The following LIMCH1 variants were observed in gnomAD, a reference collection of about 807,000 sequenced individuals.
LIMCH1 encodes LIM and calponin homology domains 1, also known as LIM and calponin homology domains-containing protein 1.
Under a neutral mutation model 176.5 loss-of-function variants are expected in LIMCH1, and 113 were observed. That is an observed-to-expected ratio of 0.64 (90% CI 0.55 to 0.75). The LOEUF is 0.75. Ranked by LOEUF, LIMCH1 falls within the 30% of genes least tolerant of loss-of-function variation. LIMCH1 has a pLI of 0.00. For synonymous variants in LIMCH1, 619 were observed against 645.9 expected (o/e 0.96, Z 0.63); for missense variants, 1,674 against 1,814.9 (o/e 0.92, Z 1.41).
intron 1 of LIMCH1, among the ~76,000 whole-genome samples, chr4:41,584,572 C>T (rs537905858): frequency 6.6e-6 from 1 of 152,164 alleles, no homozygotes; most frequent in African/African-American, 2.4e-5. Flanking sequence ...ACATTATGAA[C>T]TCTCAAGTGG....
chr4:41,681,760 T>C, intron 25 of LIMCH1, among the ~76,000 whole-genome samples: 1 of 152,314 alleles, frequency 6.6e-6, no homozygotes, highest in South Asian at 2.1e-4. Flanking sequence ...GGCACATGTT[T>C]ATCTGTGTAA....
At chr4:41,551,912 T>C (rs762824364) in intron 1 of LIMCH1, among the ~76,000 whole-genome samples, 1 of 152,138 alleles carries the variant, frequency 6.6e-6, no homozygotes, top group Non-Finnish European at 1.5e-5. Flanking sequence ...GTGCTTTCTA[T>C]GTGTATTAGT....
At chr4:41,647,261 A>G (rs1186366128) in intron 17 of LIMCH1, among the ~76,000 whole-genome samples, 1 of 152,232 alleles carries the variant, frequency 6.6e-6, no homozygotes, top group African/African-American at 2.4e-5. Flanking sequence ...AGACTCCTCA[A>G]AACAAAATTT....
chr4:41,496,147 C>A (rs2072079052), intron 2 of LIMCH1, among the ~76,000 whole-genome samples: 2 of 152,200 alleles, frequency 1.3e-5, no homozygotes, highest in Admixed American at 6.5e-5. Context: ...CTAATTCATG[C>A]AGACCATGTT....
chr4:41,633,062 A>G lies in LIMCH1; in HGVS notation c.1806A>G (p.Arg602=), dbSNP rs2093408394. ...RDSERLSKAE[R]SEDSSQPLVC... ...CTGAGAGGCTGTCAAAGGCAGAAAG[A>G]TCAGAGGACAGCAGCCAGCCACTGT... Residue 602 remains arginine, a synonymous_variant, in exon 12 of 32, where the codon AGA becomes AGG. Coordinates refer to ENST00000503057, the MANE Select transcript of LIMCH1 (RefSeq NM_001330672.2). The G allele has an allele frequency of 2.0e-6, 3 of 1,535,442 alleles. No homozygotes were observed. The highest frequency in any genetic ancestry group is 2.7e-5 in the African/African-American group (2 of 73,020).
rs75780520 is a variant in LIMCH1 at position 41,421,749 on chromosome 4, G to A, written c.96+60813G>A. On this transcript the variant is annotated intron_variant, in intron 1 of 26. Transcript: ENST00000313860. Reference sequence around the variant, plus strand: ...TGTCCTGTGAGGCAAAACTATAAAAGAATACGATTAAAAAGATGAATTAGC... The same window carrying A: ...TGTCCTGTGAGGCAAAACTATAAAAAAATACGATTAAAAAGATGAATTAGC... Among the ~76,000 whole-genome samples, 28 of 152,182 alleles carry A rather than the reference G, an allele frequency of 1.8e-4. No homozygotes were observed. In the East Asian group the frequency reaches 4.8e-3, roughly 26 times the overall value.
intron 1 of LIMCH1, among the ~76,000 whole-genome samples, chr4:41,547,335 C>T (rs1472686626): frequency 3.9e-5 from 6 of 152,152 alleles, no homozygotes; most frequent in African/African-American, 9.6e-5. Flanking sequence ...CCTTAGCCTC[C>T]GGTAACCCCC....
intron 1 of LIMCH1, among the ~76,000 whole-genome samples, chr4:41,566,620 C>T (rs990305109): frequency 2.0e-5 from 3 of 151,956 alleles, no homozygotes; most frequent in Non-Finnish European, 2.9e-5. Flanking sequence ...CATGTTGATA[C>T]AATGTAAGAA....
At chr4:41,570,610 C>T (rs2083411519) in intron 1 of LIMCH1, among the ~76,000 whole-genome samples, 1 of 152,136 alleles carries the variant, frequency 6.6e-6, no homozygotes, top group Admixed American at 6.5e-5. Flanking sequence ...ATAATTTCCA[C>T]CATCTGTAAC....
chr4:41,516,646 A>G (rs2075612419), intron 2 of LIMCH1, among the ~76,000 whole-genome samples: 1 of 152,252 alleles, frequency 6.6e-6, no homozygotes, highest in Admixed American at 6.5e-5. Context: ...CACTCTGAAC[A>G]TATTCAAATA....
chr4:41,380,654 G>A (rs1294203224), intron 1 of LIMCH1, among the ~76,000 whole-genome samples: 1 of 152,148 alleles, frequency 6.6e-6, no homozygotes, highest in Non-Finnish European at 1.5e-5. Flanking sequence ...TCCCCCAAGT[G>A]ATTGCAATGT....
intron 3 of LIMCH1, among the ~76,000 whole-genome samples, chr4:41,531,513 CA>C (rs2077301996): frequency 1.9e-5 from 2 of 103,912 alleles, no homozygotes; most frequent in Admixed American, 8.8e-5. Flanking sequence ...CACACACACA[CA>C]CATACACACC....
At position 41,599,042 on chromosome 4, in the gene LIMCH1, T is replaced by C. The variant is rs372049896; in HGVS notation, c.-134+16T>C. Reference sequence around the variant, plus strand: ...TAACAGTCAAGTAAGTAAAGCGTGATTTATGTTTAAGGGAAACTCCTTTAT... The same window carrying C: ...TAACAGTCAAGTAAGTAAAGCGTGACTTATGTTTAAGGGAAACTCCTTTAT... On this transcript the variant is annotated intron_variant, in intron 2 of 31. Transcript: ENST00000503057. 48 of 1,499,950 alleles carry C rather than the reference T, an allele frequency of 3.2e-5. No homozygotes were observed. Among genetic ancestry groups the C allele is most frequent in the Non-Finnish European group, 4.1e-5 (44 of 1,077,600 alleles). The allele number at this position is 1,499,950 out of a possible 1,614,324, so 92.9% of individuals were successfully genotyped here. A position where few individuals can be genotyped will look rare whatever the true frequency, so the allele number is the denominator to read the frequency against.
chr4:41,522,954 C>A (rs2152408667), intron 2 of LIMCH1, among the ~76,000 whole-genome samples: 1 of 152,238 alleles, frequency 6.6e-6, no homozygotes, highest in African/African-American at 2.4e-5. Flanking sequence ...GTGGGCAAAA[C>A]AGCACTTGTG....
At chr4:41,629,345 A>C (rs1225138105) in intron 8 of LIMCH1, 147 bp from the exon 9 acceptor site, 4 of 958,848 alleles carry the variant, frequency 4.2e-6, no homozygotes, top group Non-Finnish European at 6.0e-6. Flanking sequence ...GCTCCCGTTG[A>C]TTCCATTTTT....
At chr4:41,659,422 A>G (rs1249373445) in intron 18 of LIMCH1, among the ~76,000 whole-genome samples, 1 of 152,152 alleles carries the variant, frequency 6.6e-6, no homozygotes, top group African/African-American at 2.4e-5. Context: ...TTTTGCCACT[A>G]GATGCTATTG....
chr4:41,493,202 T>C (rs2071412175), intron 1 of LIMCH1, among the ~76,000 whole-genome samples: 1 of 152,124 alleles, frequency 6.6e-6, no homozygotes, highest in Admixed American at 6.5e-5. Flanking sequence ...AGTATTGACA[T>C]GGTCAGGTTT....
chr4:41,361,197 T>C (rs1247723197), intron 1 of LIMCH1, among the ~76,000 whole-genome samples: 2 of 152,142 alleles, frequency 1.3e-5, no homozygotes, highest in Non-Finnish European at 2.9e-5. Context: ...CCCCTGCGCG[T>C]CCATCCTTCC....
intron 14 of LIMCH1, among the ~76,000 whole-genome samples, chr4:41,640,994 G>A (rs1226676995): frequency 6.6e-6 from 1 of 152,106 alleles, no homozygotes; most frequent in Non-Finnish European, 1.5e-5. Context: ...CAAAGGAGTC[G>A]GTACGTTGTG....
Sources: allele counts gnomAD v4.1 joint callset (sites outside exome capture counted in the v4.1 genomes callset), GRCh38; gene constraint gnomAD v4.1.1; transcripts MANE v1.5; gene names NCBI Gene and HGNC (gene_info 2026-07-23, HGNC 2026-07-21).